Variants in MCU observed in about 807,000 individuals in gnomAD.
The protein encoded by MCU is calcium uniporter protein, mitochondrial.
A neutral mutation model predicts 45.2 loss-of-function variants in MCU; 12 were observed. The observed-to-expected ratio is 0.27, with a 90% CI of 0.17 to 0.43. MCU has a LOEUF of 0.43. Among genes scored for constraint, MCU ranks in the 20% least tolerant of loss-of-function variants. The probability of loss-of-function intolerance (pLI) is 1.00; values close to 1 mark genes in which losing one functional copy is unlikely to be tolerated. For missense variants in MCU, 324 were observed against 436.7 expected, an observed-to-expected ratio of 0.74 and a Z score of 2.30; for synonymous variants, 160 against 165.1, an observed-to-expected ratio of 0.97 and a Z score of 0.24.
At chr10:72,771,181 T>C (rs928411058) in intron 1 of MCU, among the ~76,000 whole-genome samples, 1 of 152,174 alleles carries the variant, frequency 6.6e-6, no homozygotes, top group Non-Finnish European at 1.5e-5. Flanking sequence ...GTATTTCTCC[T>C]AATGCTATCC....
intron 2 of MCU, among the ~76,000 whole-genome samples, chr10:72,852,014 A>G (rs1160595407): frequency 6.6e-6 from 1 of 152,128 alleles, no homozygotes; most frequent in African/African-American, 2.4e-5. Flanking sequence ...AGATCCTCCA[A>G]ATATATTTCA....
chr10:72,794,946 G>A (rs1281038309), intron 1 of MCU, among the ~76,000 whole-genome samples: 1 of 152,050 alleles, frequency 6.6e-6, no homozygotes, highest in African/African-American at 2.4e-5. Flanking sequence ...CTTCATTTGA[G>A]AATAGCTTGC....
At position 72,692,277 on chromosome 10, in the gene MCU, C is replaced by CCGG. The variant is rs1340265450; in HGVS notation, c.128_130dup (p.Arg43dup). 3 of 1,227,152 alleles carry CCGG rather than the reference C, an allele frequency of 2.4e-6. No individual in the cohort carries two copies. Among genetic ancestry groups the CCGG allele is most frequent in the Non-Finnish European group, 3.1e-6 (3 of 982,924 alleles). The allele number at this position is 1,227,152 out of a possible 1,614,324, so 76.0% of individuals were successfully genotyped here. A position where few individuals can be genotyped will look rare whatever the true frequency, so the allele number is the denominator to read the frequency against. On this transcript the variant is annotated inframe_insertion, in exon 1 of 8. Transcript: ENST00000373053. ...TCCCTGGGCTGGGCGTCAGCCGCCA[C>CCGG]CGGCAGCAGCAGCACCACCGGACGG... is the stretch of plus-strand genomic sequence containing the variant.
chr10:72,784,707 G>A (rs1320635738), intron 1 of MCU, among the ~76,000 whole-genome samples: 1 of 152,172 alleles, frequency 6.6e-6, no homozygotes. Flanking sequence ...GGGAAAGCCT[G>A]TCCGTATGTG....
chr10:72,782,887 C>T (rs1449058176), intron 1 of MCU, among the ~76,000 whole-genome samples: 1 of 152,146 alleles, frequency 6.6e-6, no homozygotes, highest in East Asian at 1.9e-4. Flanking sequence ...CAACATCCTG[C>T]AGAAGGAGTT....
chr10:72,844,834 CTT>C (rs1385268934), intron 2 of MCU, among the ~76,000 whole-genome samples: 4 of 151,984 alleles, frequency 2.6e-5, no homozygotes, highest in Non-Finnish European at 5.9e-5. Context: ...GAATAATAAA[CTT>C]TATTGAAGGA....
chr10:72,702,869 C>T (rs545287220), intron 1 of MCU, among the ~76,000 whole-genome samples: 1 of 151,928 alleles, frequency 6.6e-6, no homozygotes, highest in Non-Finnish European at 1.5e-5. Context: ...ATCCCAGCTA[C>T]TCAGGAGGCT....
At chr10:72,715,196 C>T (rs1354455876) in intron 1 of MCU, 2 of 984,742 alleles carry the variant, frequency 2.0e-6, no homozygotes, top group African/African-American at 3.5e-5. Context: ...ATCTTAGCTG[C>T]TAGAGTGTGG....
At chr10:72,693,810 AC>A (rs1842654619) in intron 1 of MCU, among the ~76,000 whole-genome samples, 1 of 152,174 alleles carries the variant, frequency 6.6e-6, no homozygotes, top group Non-Finnish European at 1.5e-5. Flanking sequence ...ACATAAGGCC[AC>A]CCCAAATTTT....
chr10:72,744,659 G>A (rs1035147352), intron 1 of MCU, among the ~76,000 whole-genome samples: 1 of 152,186 alleles, frequency 6.6e-6, no homozygotes, highest in Non-Finnish European at 1.5e-5. Flanking sequence ...AGGAGAAAAT[G>A]CCAACTGGTC....
chr10:72,791,543 C>G (rs1297609576), intron 1 of MCU, among the ~76,000 whole-genome samples: 2 of 152,152 alleles, frequency 1.3e-5, no homozygotes, highest in South Asian at 4.1e-4. Flanking sequence ...AAGGCTATGC[C>G]TTTTCTTTCT....
At chr10:72,835,219 G>A (rs1048424445) in intron 2 of MCU, among the ~76,000 whole-genome samples, 6 of 152,168 alleles carry the variant, frequency 3.9e-5, no homozygotes, top group African/African-American at 9.7e-5. Flanking sequence ...GCAATCCTTC[G>A]TAAATGTCTA....
intron 6 of MCU, among the ~76,000 whole-genome samples, chr10:72,882,341 T>G (rs924713456): frequency 1.4e-4 from 22 of 152,320 alleles, no homozygotes; most frequent in African/African-American, 4.8e-4. Flanking sequence ...ATAAGAGAGA[T>G]AACCTTAAAC....
At chr10:72,763,067 G>A (rs1258565419) in intron 1 of MCU, among the ~76,000 whole-genome samples, 1 of 152,010 alleles carries the variant, frequency 6.6e-6, no homozygotes, top group Non-Finnish European at 1.5e-5. Context: ...CTTTCAGGCT[G>A]CCATCTCTCT....
chr10:72,772,569 C>T (rs935774029), intron 1 of MCU, among the ~76,000 whole-genome samples: 18 of 152,130 alleles, frequency 1.2e-4, no homozygotes, highest in African/African-American at 3.9e-4. Context: ...TGGTTCTGCA[C>T]ACCTGTAATC....
intron 1 of MCU, among the ~76,000 whole-genome samples, chr10:72,698,619 C>T (rs1444241221): frequency 6.6e-6 from 1 of 152,180 alleles, no homozygotes; most frequent in Non-Finnish European, 1.5e-5. Flanking sequence ...ATTCTTCTGC[C>T]TTAGCCTCCC....
At chr10:72,703,147 G>C (rs1329152457) in intron 1 of MCU, among the ~76,000 whole-genome samples, 1 of 152,168 alleles carries the variant, frequency 6.6e-6, no homozygotes. Flanking sequence ...AAGAATAGCT[G>C]GAGATTAGGC....
intron 1 of MCU, among the ~76,000 whole-genome samples, chr10:72,734,709 G>C (rs1843227882): frequency 6.6e-6 from 1 of 151,922 alleles, no homozygotes; most frequent in African/African-American, 2.4e-5. Flanking sequence ...GACCTCCCAG[G>C]CTCAAGCAAT....
At chr10:72,695,617 G>T (rs1019142700) in intron 1 of MCU, among the ~76,000 whole-genome samples, 1 of 151,824 alleles carries the variant, frequency 6.6e-6, no homozygotes, top group Non-Finnish European at 1.5e-5. Flanking sequence ...TCTAACATTC[G>T]CACTTTACAC....
Sources: allele counts gnomAD v4.1 joint callset (sites outside exome capture counted in the v4.1 genomes callset), GRCh38; gene constraint gnomAD v4.1.1; transcripts MANE v1.5; gene names NCBI Gene and HGNC (gene_info 2026-07-23, HGNC 2026-07-21).